The following TLN2 variants were observed in gnomAD, a reference collection of about 807,000 sequenced individuals.
The protein encoded by TLN2 is talin-2.
TLN2 carries 118 observed loss-of-function variants against 294.7 expected under a neutral mutation model. The ratio of observed to expected loss-of-function variants is 0.40; its 90% confidence interval spans 0.34 to 0.47. The LOEUF is 0.47. Among genes scored for constraint, TLN2 ranks in the 20% least tolerant of loss-of-function variants. TLN2 has a pLI of 0.84. For synonymous variants in TLN2, 1,431 were observed against 1,304.5 expected, an observed-to-expected ratio of 1.10 and a Z score of -2.09; for missense variants, 3,083 against 3,282.2, an observed-to-expected ratio of 0.94 and a Z score of 1.48.
At chr15:62,570,963 G>C (rs1267070166) in intron 1 of TLN2, among the ~76,000 whole-genome samples, 3 of 150,334 alleles carry the variant, frequency 2.0e-5, no homozygotes, top group African/African-American at 4.9e-5. Flanking sequence ...GTGGCAGTTG[G>C]GTTCCTTAAC....
At chr15:62,534,374 A>G (rs2041219271) in intron 1 of TLN2, among the ~76,000 whole-genome samples, 1 of 152,196 alleles carries the variant, frequency 6.6e-6, no homozygotes, top group African/African-American at 2.4e-5. Flanking sequence ...GGGGGTTCCC[A>G]TGACACCCTT....
At chr15:62,590,000 G>GGGTTTT (rs2045957010) in intron 2 of TLN2, among the ~76,000 whole-genome samples, 1 of 150,920 alleles carries the variant, frequency 6.6e-6, no homozygotes, top group Non-Finnish European at 1.5e-5. Context: ...TGAGTAGCTG[G>GGGTTTT]GTTTTTGTTT....
At chr15:62,529,966 C>G (rs892444061) in intron 1 of TLN2, among the ~76,000 whole-genome samples, 1 of 152,078 alleles carries the variant, frequency 6.6e-6, no homozygotes, top group East Asian at 1.9e-4. Flanking sequence ...CTAAGGGGGG[C>G]GGATCACCTG....
intron 1 of TLN2, among the ~76,000 whole-genome samples, chr15:62,521,648 C>T (rs2040463791): frequency 1.3e-5 from 2 of 152,112 alleles, no homozygotes; most frequent in Non-Finnish European, 2.9e-5. Flanking sequence ...AGTTAAGCAG[C>T]CTTCAGAGAG....
intron 1 of TLN2, among the ~76,000 whole-genome samples, chr15:62,544,761 G>A (rs1172770938): frequency 6.7e-6 from 1 of 148,374 alleles, no homozygotes; most frequent in Non-Finnish European, 1.5e-5. Flanking sequence ...TCTAATCACA[G>A]CCTGAAGTTT....
chr15:62,519,725 A>G (rs1284100631), intron 1 of TLN2, among the ~76,000 whole-genome samples: 1 of 152,254 alleles, frequency 6.6e-6, no homozygotes, highest in African/African-American at 2.4e-5. Flanking sequence ...GTTGAGGACT[A>G]TAAAATTGGC....
chr15:62,739,668 T>A (rs1363746654), intron 31 of TLN2, 123 bp downstream of exon 31: 1 of 1,174,642 alleles, frequency 8.5e-7, no homozygotes, highest in African/African-American at 1.5e-5. Context: ...CATGGTTGCA[T>A]TCTTTTTGCT....
intron 1 of TLN2, among the ~76,000 whole-genome samples, chr15:62,422,594 G>T (rs542923755): frequency 2.0e-5 from 3 of 152,270 alleles, no homozygotes; most frequent in South Asian, 4.1e-4. Context: ...TCTCCAGATC[G>T]AAGGTACCAG....
chr15:62,638,129 C>A, intron 3 of TLN2: 1 of 164,842 alleles, frequency 6.1e-6, no homozygotes, highest in Non-Finnish European at 1.3e-5. Flanking sequence ...GCTGTGAGAA[C>A]ATAGGCGTCG....
At chr15:62,644,385 A>G (rs2051566592) in intron 3 of TLN2, 4 of 411,844 alleles carry the variant, frequency 9.7e-6, no homozygotes, top group Non-Finnish European at 1.9e-5. Context: ...TGTTGTTCCC[A>G]GGGCTGAGTC....
chr15:62,806,376 C>A (rs532666258), intron 51 of TLN2, among the ~76,000 whole-genome samples: 2 of 152,062 alleles, frequency 1.3e-5, no homozygotes, highest in African/African-American at 4.8e-5. Flanking sequence ...GAGGCCTCTC[C>A]GAGGGTGGTG....
intron 21 of TLN2, among the ~76,000 whole-genome samples, chr15:62,709,907 G>A (rs1015207679): frequency 6.6e-6 from 1 of 151,718 alleles, no homozygotes; most frequent in African/African-American, 2.4e-5. Flanking sequence ...GCTAATTTTT[G>A]TATTTTTAGT....
In TLN2 at chr15:62,433,285, T is replaced by G. The variant is rs151157309; in HGVS notation, c.-238+42600T>G. ...ACACAGAAGCCTGAGGGTTTTTGCC[T>G]TGTAACTTCTTGTTGTATCTGAATT... On this transcript the variant is annotated intron_variant, in intron 1 of 58. Coordinates refer to ENST00000636159, the MANE Select transcript of TLN2 (RefSeq NM_015059.3). Among the ~76,000 whole-genome samples the G allele has an allele frequency of 2.1e-3, 313 of 152,250 alleles. 2 individuals are homozygous for G. The highest frequency in any genetic ancestry group is 7.2e-3 in the African/African-American group (299 of 41,542).
intron 50 of TLN2, among the ~76,000 whole-genome samples, chr15:62,801,121 T>C (rs2065902490): frequency 6.6e-6 from 1 of 152,226 alleles, no homozygotes; most frequent in African/African-American, 2.4e-5. Flanking sequence ...CTGTGAACAG[T>C]GCTTAGCCTT....
At chr15:62,606,356 G>T (rs976419073) in intron 2 of TLN2, among the ~76,000 whole-genome samples, 1 of 151,616 alleles carries the variant, frequency 6.6e-6, no homozygotes, top group Admixed American at 6.6e-5. Context: ...CTCCCAAAGC[G>T]CTGGGATTAC....
intron 3 of TLN2, among the ~76,000 whole-genome samples, chr15:62,631,748 T>G (rs1214875989): frequency 6.6e-6 from 1 of 150,976 alleles, no homozygotes; most frequent in Non-Finnish European, 1.5e-5. Context: ...TTTCTCTCTT[T>G]TCTTTTTGTT....
At chr15:62,707,004 G>A in intron 19 of TLN2, 82 bp from the exon 20 acceptor site, 2 of 1,435,954 alleles carry the variant, frequency 1.4e-6, no homozygotes, top group Non-Finnish European at 1.9e-6. Context: ...AGATCAAATG[G>A]AATTTTAATA....
chr15:62,492,673 T>C (rs969187538), intron 1 of TLN2, among the ~76,000 whole-genome samples: 1 of 152,170 alleles, frequency 6.6e-6, no homozygotes, highest in Non-Finnish European at 1.5e-5. Context: ...TTTCAACGCA[T>C]TTCCCCCCAT....
In TLN2 at chr15:62,841,762, C is replaced by G. The variant is rs1431799528; in HGVS notation, c.*1152C>G. On this transcript the variant is annotated 3_prime_UTR_variant, in exon 59 of 59. Coordinates refer to ENST00000636159, the MANE Select transcript of TLN2 (RefSeq NM_015059.3). ...CCTCTTTTCTTTCCCCTTTTCAGAG[C>G]CCTCCCATAGGAAGGGAAGGGCTTG... 6.6e-6 allele frequency: 1 copy of G among 152,128 alleles called. No homozygotes were observed. The highest frequency in any genetic ancestry group is 1.5e-5 in the Non-Finnish European group (1 of 68,038). The allele number at this position is 152,128 out of a possible 1,614,324, so 9.4% of individuals were successfully genotyped here. A position where few individuals can be genotyped will look rare whatever the true frequency, so the allele number is the denominator to read the frequency against.
Sources: allele counts gnomAD v4.1 joint callset (sites outside exome capture counted in the v4.1 genomes callset), GRCh38; gene constraint gnomAD v4.1.1; transcripts MANE v1.5; gene names NCBI Gene and HGNC (gene_info 2026-07-23, HGNC 2026-07-21).